Variants in TSHZ2 observed in about 807,000 individuals in gnomAD.
TSHZ2 encodes the protein teashirt zinc finger homeobox 2, also known as teashirt homolog 2.
TSHZ2 carries 21 observed loss-of-function variants against 74.4 expected under a neutral mutation model. The observed-to-expected ratio is 0.28, with a 90% CI of 0.20 to 0.41. The LOEUF (loss-of-function observed/expected upper bound fraction) is 0.41, where lower values mean the gene tolerates loss of function less well. TSHZ2 is among the 10% of genes least tolerant of loss of function. The pLI, the probability that TSHZ2 is intolerant of heterozygous loss-of-function variation, is 1.00. For synonymous variants in TSHZ2, 540 were observed against 515.3 expected (o/e 1.05, Z -0.65); for missense variants, 1,244 against 1,293.5 (o/e 0.96, Z 0.59).
At chr20:53,026,434 C>G (rs1016016149) in intron 1 of TSHZ2, among the ~76,000 whole-genome samples, 2 of 151,796 alleles carry the variant, frequency 1.3e-5, no homozygotes, top group African/African-American at 2.4e-5. Context: ...TTCACTGCAG[C>G]CTTGCCTCCC....
At chr20:53,012,485 G>A (rs1378424665) in intron 1 of TSHZ2, among the ~76,000 whole-genome samples, 2 of 152,106 alleles carry the variant, frequency 1.3e-5, no homozygotes, top group Non-Finnish European at 2.9e-5. Context: ...TCCGCAGGTG[G>A]TTCAAACACA....
intron 2 of TSHZ2, among the ~76,000 whole-genome samples, chr20:53,472,094 C>T (rs957823008): frequency 5.3e-5 from 8 of 152,122 alleles, no homozygotes; most frequent in Non-Finnish European, 7.3e-5. Flanking sequence ...TGTGAGCCCG[C>T]GCCCGGCCAG....
rs59668877 is a variant in TSHZ2, at chr20:53,105,229, C to G, written c.40+131896C>G. Among the ~76,000 whole-genome samples the G allele has an allele frequency of 4.3e-3, 661 of 152,234 alleles. 6 individuals are homozygous for G. Among genetic ancestry groups the G allele is most frequent in the African/African-American group, 0.015 (633 of 41,544 alleles). Reference sequence around the variant, plus strand: ...ATTTGCAATGCCTTTTTCAGTTTACCCCTGACTTTATCATTTCTTGCTCAA... The same window carrying G: ...ATTTGCAATGCCTTTTTCAGTTTACGCCTGACTTTATCATTTCTTGCTCAA... On this transcript the variant is annotated intron_variant, in intron 1 of 2. Coordinates refer to ENST00000371497, the MANE Select transcript of TSHZ2 (RefSeq NM_173485.6).
intron 1 of TSHZ2, among the ~76,000 whole-genome samples, chr20:53,161,197 G>A (rs1013848428): frequency 2.8e-5 from 4 of 145,308 alleles, no homozygotes; most frequent in Non-Finnish European, 4.5e-5. Context: ...TATTTGACTT[G>A]AGAGCTCATT....
intron 1 of TSHZ2, chr20:53,178,768 T>A (rs1456754086): frequency 6.6e-6 from 1 of 152,180 alleles, no homozygotes; most frequent in Non-Finnish European, 1.5e-5. Context: ...CTTTGTAATA[T>A]TTTTGATACT....
chr20:53,384,607 G>A (rs959583764), intron 2 of TSHZ2, among the ~76,000 whole-genome samples: 11 of 152,092 alleles, frequency 7.2e-5, no homozygotes, highest in African/African-American at 2.4e-4. Flanking sequence ...GACCTCTTTG[G>A]GCCTGTGTTC....
intron 1 of TSHZ2, among the ~76,000 whole-genome samples, chr20:53,020,620 C>T (rs1036390065): frequency 1.8e-4 from 27 of 152,152 alleles, no homozygotes; most frequent in African/African-American, 6.5e-4. Flanking sequence ...CTTCCTGGGC[C>T]AGGGGTGAAT....
At chr20:53,164,674 A>G (rs1237813300) in intron 1 of TSHZ2, among the ~76,000 whole-genome samples, 1 of 152,204 alleles carries the variant, frequency 6.6e-6, no homozygotes, top group Non-Finnish European at 1.5e-5. Flanking sequence ...TGACTACTAT[A>G]TTGAACTGCA....
Position 53,088,917 on chromosome 20 carries a change from TG to T in TSHZ2, c.40+115585del, listed in dbSNP as rs370223153. Among the ~76,000 whole-genome samples, 199 of 152,276 alleles carry T rather than the reference TG, an allele frequency of 1.3e-3. 1 individual carries two copies. The highest frequency in any genetic ancestry group is 4.5e-3 in the African/African-American group (187 of 41,550). Reference sequence around the variant, plus strand: ...CAGCTTTCAAGTTTATTGGGAGCACTGAGTTCCAAGGATAGCAATTAGGTTG... The same window carrying T: ...CAGCTTTCAAGTTTATTGGGAGCACTAGTTCCAAGGATAGCAATTAGGTTG... On this transcript the variant is annotated intron_variant, in intron 1 of 2. Transcript: ENST00000371497.
intron 1 of TSHZ2, among the ~76,000 whole-genome samples, chr20:52,986,694 A>G (rs186069305): frequency 2.0e-5 from 3 of 152,230 alleles, no homozygotes; most frequent in Admixed American, 6.5e-5. Context: ...TCGCCACTGC[A>G]CTCCAGCCTG....
At chr20:53,354,230 G>A (rs1310678257) in intron 2 of TSHZ2, among the ~76,000 whole-genome samples, 1 of 152,202 alleles carries the variant, frequency 6.6e-6, no homozygotes, top group African/African-American at 2.4e-5. Context: ...AAGCTTCTAA[G>A]AGTCCAATGA....
chr20:53,360,313 C>A (rs1010448464), intron 2 of TSHZ2, among the ~76,000 whole-genome samples: 3 of 152,186 alleles, frequency 2.0e-5, no homozygotes, highest in African/African-American at 2.4e-5. Flanking sequence ...CCTTTTATGT[C>A]CTAAGGTGTA....
At chr20:53,094,876 G>A (rs570948287) in intron 1 of TSHZ2, among the ~76,000 whole-genome samples, 135 of 152,286 alleles carry the variant, frequency 8.9e-4, no homozygotes, top group African/African-American at 3.2e-3. Flanking sequence ...CCTCCCAGAA[G>A]TTTCCCCAGA....
At chr20:53,275,642 T>C (rs1050319153) in intron 2 of TSHZ2, among the ~76,000 whole-genome samples, 1 of 152,208 alleles carries the variant, frequency 6.6e-6, no homozygotes, top group Non-Finnish European at 1.5e-5. Context: ...CTGTTCAGCA[T>C]GTTGCCTGGG....
At chr20:53,391,204 T>C (rs964523716) in intron 2 of TSHZ2, among the ~76,000 whole-genome samples, 5 of 152,198 alleles carry the variant, frequency 3.3e-5, no homozygotes, top group Admixed American at 2.0e-4. Context: ...TGGAGTGCAG[T>C]GGCACGATCT....
Position 53,280,218 on chromosome 20 carries a change from G to A in TSHZ2, c.*8+23647G>A, listed in dbSNP as rs16997860. 6.5e-3 allele frequency among the ~76,000 whole-genome samples: 990 copies of A among 152,160 alleles called. 12 individuals are homozygous for A. The highest frequency in any genetic ancestry group is 0.022 in the African/African-American group (929 of 41,500). On this transcript the variant is annotated intron_variant, in intron 2 of 2. Coordinates refer to ENST00000371497, the MANE Select transcript of TSHZ2 (RefSeq NM_173485.6). ...CCTTGAAGACCTCAGGCATATGAAG[G>A]CCTCAACAAAAACTTTATAAACTTA... is the stretch of plus-strand genomic sequence containing the variant.
chr20:53,371,874 C>CAAA (rs967830516), intron 2 of TSHZ2, among the ~76,000 whole-genome samples: 2 of 74,414 alleles, frequency 2.7e-5, no homozygotes, highest in Admixed American at 1.5e-4. Context: ...GACTCCGTCT[C>CAAA]AAAAAAAAAA....
At position 53,494,143 on chromosome 20, in the gene TSHZ2, C is replaced by T. The variant is rs1986518163; in HGVS notation, c.*7008C>T. The T allele has an allele frequency of 6.6e-6, 1 of 152,164 alleles. No individual in the cohort carries two copies. Among genetic ancestry groups the T allele is most frequent in the African/African-American group, 2.4e-5 (1 of 41,414 alleles). The allele number at this position is 152,164 out of a possible 1,614,324, so 9.4% of individuals were successfully genotyped here. A position where few individuals can be genotyped will look rare whatever the true frequency, so the allele number is the denominator to read the frequency against. On this transcript the variant is annotated 3_prime_UTR_variant, in exon 3 of 3. Coordinates refer to ENST00000371497, the MANE Select transcript of TSHZ2 (RefSeq NM_173485.6). ...CTACTAAAAATACAAAAAACATTAG[C>T]AGGGCATGGTGGTGCGTGCCTGTAG...
intron 2 of TSHZ2, among the ~76,000 whole-genome samples, chr20:53,321,588 G>T (rs888898770): frequency 1.4e-5 from 2 of 146,586 alleles, no homozygotes; most frequent in African/African-American, 5.0e-5. Flanking sequence ...GGAGGCTGAG[G>T]CAGGAGAATC....
Sources: allele counts gnomAD v4.1 joint callset (sites outside exome capture counted in the v4.1 genomes callset), GRCh38; gene constraint gnomAD v4.1.1; transcripts MANE v1.5; gene names NCBI Gene and HGNC (gene_info 2026-07-23, HGNC 2026-07-21).